The following KATNB1 variants were observed in gnomAD, a reference collection of about 807,000 sequenced individuals.
The protein encoded by KATNB1 is katanin p80 WD40 repeat-containing subunit B1.
KATNB1 carries 38 observed loss-of-function variants against 82.3 expected under a neutral mutation model. The ratio of observed to expected loss-of-function variants is 0.46; its 90% CI spans 0.36 to 0.61. The LOEUF is 0.61. KATNB1 is among the 20% of genes least tolerant of loss of function. The probability of loss-of-function intolerance (pLI) is 0.00; values close to 1 mark genes in which losing one functional copy is unlikely to be tolerated. For synonymous variants in KATNB1, 361 were observed against 368.7 expected, an observed-to-expected ratio of 0.98 and a Z score of 0.24; for missense variants, 749 against 915.7, an observed-to-expected ratio of 0.82 and a Z score of 2.35.
chr16:57,754,072 CA>C (rs1329256932), intron 13 of KATNB1, 77 bp downstream of exon 13: 3 of 1,246,288 alleles, frequency 2.4e-6, no homozygotes, highest in East Asian at 4.9e-5. Flanking sequence ...TGAACCCTCC[CA>C]ACAAGCCCCT....
chr16:57,756,511 A>G (rs575398151), intron 19 of KATNB1, 39 bp downstream of exon 19: 1 of 1,549,790 alleles, frequency 6.5e-7, no homozygotes, highest in Admixed American at 1.7e-5. Flanking sequence ...GGGTGCCACA[A>G]CAGGTGAGGG....
In KATNB1 at chr16:57,751,129, G is replaced by C. The variant is rs2049223169; in HGVS notation, c.391-132G>C. 1.1e-6 allele frequency: 1 copy of C among 927,850 alleles called. No individual in the cohort carries two copies. Among genetic ancestry groups the C allele is most frequent in the African/African-American group, 1.6e-5 (1 of 61,472 alleles). 57.5% of individuals were successfully genotyped at this position (927,850 alleles called of 1,614,324 possible). On this transcript the variant is annotated intron_variant, in intron 5 of 19. Coordinates refer to ENST00000379661, the MANE Select transcript of KATNB1 (RefSeq NM_005886.3). This position sits in a 1 kb window ranked among gnomAD's most constrained non-coding sequence, Gnocchi z 6.3. The stretch of plus-strand genomic sequence containing the variant: ...ATGCCAGCTTTAGTGAGCAGTTTCT[G>C]TCCTTGTCTCCGTGGGGAGTAACGA...
intron 4 of KATNB1, 132 bp downstream of exon 4, chr16:57,744,643 G>C (rs2049169772): frequency 4.1e-6 from 3 of 737,946 alleles, no homozygotes; most frequent in Non-Finnish European, 7.2e-6. Flanking sequence ...TAACCCGGCA[G>C]TGTGGCACCC....
rs1555583174 is a variant in KATNB1, at chr16:57,751,680, G to A, written c.472G>A (p.Asp158Asn). 4 of 1,611,364 alleles carry A rather than the reference G, an allele frequency of 2.5e-6. No individual in the cohort carries two copies. Among genetic ancestry groups the A allele is most frequent in the Non-Finnish European group, 2.5e-6 (3 of 1,180,006 alleles). ...CGTGCGGTGTCTCCGGTTCAGCCCC[G>A]ATGGGAAGTGGTTGGCGTCGGCCGC... ...QAVRCLRFSP[D>N]GKWLASAADD... The change falls in exon 7 of 20, where the codon GAT becomes AAT. Residue 158 changes from aspartate (D) to asparagine (N), a missense_variant. Asp to Asn is a conservative substitution (Grantham distance 23, BLOSUM62 1). Coordinates refer to ENST00000379661, the MANE Select transcript of KATNB1 (RefSeq NM_005886.3). The surrounding 1 kb of genome is among the most constrained non-coding windows in gnomAD (Gnocchi z 6.3).
chr16:57,747,267 G>A (rs2049189982), intron 4 of KATNB1, among the ~76,000 whole-genome samples: 1 of 152,224 alleles, frequency 6.6e-6, no homozygotes, highest in Admixed American at 6.5e-5. Context: ...AGAGGAAGCA[G>A]CAACGTGGAT....
In KATNB1 at chr16:57,752,070, C is replaced by T. The variant is rs782314799; in HGVS notation, c.632+15C>T. On this transcript the variant is annotated intron_variant, in intron 8 of 19. Coordinates refer to ENST00000379661, the MANE Select transcript of KATNB1 (RefSeq NM_005886.3). Reference sequence around the variant, plus strand: ...AGCTCTGACAGGTGAGGAGGAGGAGCGAGGCGAGTTGCTTGTGACTGCTGT... The same window carrying T: ...AGCTCTGACAGGTGAGGAGGAGGAGTGAGGCGAGTTGCTTGTGACTGCTGT... 4.1e-5 allele frequency: 63 copies of T among 1,553,952 alleles called. No homozygotes were observed. Among genetic ancestry groups the T allele is most frequent in the Non-Finnish European group, 4.7e-5 (53 of 1,128,888 alleles).
chr16:57,744,136 A>G (rs1454699865), intron 3 of KATNB1, among the ~76,000 whole-genome samples: 1 of 152,198 alleles, frequency 6.6e-6, no homozygotes. Flanking sequence ...GGTGACGCCC[A>G]TGTCAGAAGC....
At chr16:57,749,555 A>T (rs1422886753) in intron 4 of KATNB1, among the ~76,000 whole-genome samples, 2 of 152,156 alleles carry the variant, frequency 1.3e-5, no homozygotes, top group African/African-American at 4.8e-5. Context: ...GACCTATTGC[A>T]CCTTGGCTCA....
chr16:57,752,958 C>A lies in KATNB1; in HGVS notation c.855+30C>A, dbSNP rs78458298. 3.1e-5 allele frequency: 49 copies of A among 1,598,602 alleles called. No individual in the cohort carries two copies. The Middle Eastern group carries it at 8.3e-4, about 27-fold the overall frequency. ...GAGAGCCATGGCACCCACCGCCCCC[C>A]ACTCCCACAGGGCCACCCGCCTCCC... is the stretch of plus-strand genomic sequence containing the variant. On this transcript the variant is annotated intron_variant, in intron 10 of 19. Transcript: ENST00000379661.
intron 12 of KATNB1, among the ~76,000 whole-genome samples, 163 bp downstream of exon 12, chr16:57,753,682 T>A (rs782277169): frequency 6.6e-6 from 1 of 152,012 alleles, no homozygotes; most frequent in Non-Finnish European, 1.5e-5. Flanking sequence ...CTTGCCAGGC[T>A]GTGCTCTGAT....
chr16:57,755,408 G>A lies in KATNB1; in HGVS notation c.1480G>A (p.Gly494Ser). ...DEDAMSQIRK[G>S]HDTMCVVLTS... ...GGATGCCATGTCACAGATCCGCAAA[G>A]GCCACGACACCATGTGTGTGGTGCT... The change falls in exon 16 of 20, where the codon GGC (glycine) becomes AGC (serine). Residue 494 changes from glycine to serine, a missense_variant. By Grantham distance (56) the Gly-to-Ser change is moderately conservative. Transcript: ENST00000379661. The A allele has an allele frequency of 6.2e-7, 1 of 1,613,312 alleles. No individual in the cohort carries two copies. Among genetic ancestry groups the A allele is most frequent in the Non-Finnish European group, 8.5e-7 (1 of 1,180,022 alleles).
chr16:57,753,937 C>A lies in KATNB1; in HGVS notation c.1178-8C>A. On this transcript the variant is annotated splice_polypyrimidine_tract_variant and splice_region_variant and intron_variant, in intron 12 of 19. Coordinates refer to ENST00000379661, the MANE Select transcript of KATNB1 (RefSeq NM_005886.3). ...GCGCTCACAGCCAGGGGCCTCTTTC[C>A]TCTGCAGGTCGGACGCCACCCCGGA... 6.2e-7 allele frequency: 1 copy of A among 1,613,398 alleles called. No individual in the cohort carries two copies. The highest frequency in any genetic ancestry group is 8.5e-7 in the Non-Finnish European group (1 of 1,179,854).
At chr16:57,752,476 G>T in intron 8 of KATNB1, 54 bp from the exon 9 acceptor site, 1 of 1,485,456 alleles carries the variant, frequency 6.7e-7, no homozygotes, top group East Asian at 2.5e-5. Flanking sequence ...CCAGGGACAT[G>T]TGGAGGCCAG....
chr16:57,753,830 G>T, intron 12 of KATNB1, 115 bp from the exon 13 acceptor site: 1 of 972,924 alleles, frequency 1.0e-6, no homozygotes. Context: ...AGGGTCCACA[G>T]TCTGCAGCCG....
chr16:57,743,895 C>T lies in KATNB1; in HGVS notation c.172-499C>T, dbSNP rs527829549. On this transcript the variant is annotated intron_variant, in intron 3 of 19. Transcript: ENST00000379661. ...CCAACCGCCACAGCCCTCTCCTTTC[C>T]ACGGGGATGGGCAGTCAGGGAGAGC... Among the ~76,000 whole-genome samples the T allele has an allele frequency of 2.6e-5, 4 of 152,348 alleles. No homozygotes were observed. In the East Asian group the frequency reaches 5.8e-4, roughly 22 times the overall value.
At position 57,744,342 on chromosome 16, in the gene KATNB1, A is replaced by G. The variant is rs1408649541; in HGVS notation, c.172-52A>G. 9.5e-6 allele frequency: 14 copies of G among 1,478,502 alleles called. No individual in the cohort carries two copies. In the East Asian group the frequency reaches 3.2e-4, roughly 34 times the overall value. 91.6% of individuals were successfully genotyped at this position (1,478,502 alleles called of 1,614,324 possible). A position where few individuals can be genotyped will look rare whatever the true frequency, so the allele number is the denominator to read the frequency against. On this transcript the variant is annotated intron_variant, in intron 3 of 19. Coordinates refer to ENST00000379661, the MANE Select transcript of KATNB1 (RefSeq NM_005886.3). ...CGGGGGACTTGGAATTCAGGGCGCAACTGCAGGGGTCTGTCCAGCAGTGCA... is the reference window on the plus strand; with the variant it reads ...CGGGGGACTTGGAATTCAGGGCGCAGCTGCAGGGGTCTGTCCAGCAGTGCA...
intron 4 of KATNB1, among the ~76,000 whole-genome samples, chr16:57,750,246 C>T (rs1475446474): frequency 3.9e-5 from 6 of 152,180 alleles, no homozygotes; most frequent in African/African-American, 7.2e-5. Flanking sequence ...GTTCTGCTTC[C>T]GCTGGAGCAC....
chr16:57,756,695 C>G (rs569855119), intron 19 of KATNB1, 119 bp from the exon 20 acceptor site: 142 of 1,424,708 alleles, frequency 1.0e-4, no homozygotes, highest in Non-Finnish European at 1.3e-4. Flanking sequence ...TGGTTCCCCT[C>G]TGGGCCTCCG....
intron 4 of KATNB1, among the ~76,000 whole-genome samples, chr16:57,747,632 T>C (rs2049193261): frequency 6.6e-6 from 1 of 152,122 alleles, no homozygotes; most frequent in African/African-American, 2.4e-5. Flanking sequence ...TTGGTGTCGC[T>C]GAACTCAAGC....
Sources: allele counts gnomAD v4.1 joint callset (sites outside exome capture counted in the v4.1 genomes callset), GRCh38; gene constraint gnomAD v4.1.1; non-coding constraint Gnocchi (gnomAD v3.1); transcripts MANE v1.5; gene names NCBI Gene and HGNC (gene_info 2026-07-23, HGNC 2026-07-21).